The following NCL variants were observed in gnomAD, a reference collection of about 807,000 sequenced individuals.
NCL encodes the protein nucleolin multifunctional protein.
NCL carries 4 observed loss-of-function variants against 77.7 expected under a neutral mutation model. That is an observed-to-expected ratio of 0.05 (90% CI 0.03 to 0.12). The LOEUF (loss-of-function observed/expected upper bound fraction) is 0.12. Ranked by LOEUF, NCL falls within the 10% of genes least tolerant of loss-of-function variation. The pLI, the probability that NCL is intolerant of heterozygous loss-of-function variation, is 1.00. For missense variants in NCL, 763 were observed against 860.9 expected (o/e 0.89, Z 1.42); for synonymous variants, 344 against 297.8 (o/e 1.16, Z -1.60).
rs1469096012 is a variant in NCL, at chr2:231,454,978, T to G, written c.*213A>C. The G allele has an allele frequency of 1.9e-6, 1 of 537,704 alleles. No individual in the cohort carries two copies. Among genetic ancestry groups the G allele is most frequent in the East Asian group, 2.9e-5 (1 of 34,500 alleles). 33.3% of individuals were successfully genotyped at this position (537,704 alleles called of 1,614,324 possible). A position where few individuals can be genotyped will look rare whatever the true frequency, so the allele number is the denominator to read the frequency against. ...AAAACTTACAGATAAGGGTTAGCTC[T>G]ATCACTCAACTCTTTAAAAAGTTTA... On this transcript the variant is annotated 3_prime_UTR_variant, in exon 14 of 14. Transcript: ENST00000322723.
intron 10 of NCL, 105 bp downstream of exon 10, chr2:231,456,896 G>C: frequency 2.6e-6 from 4 of 1,555,454 alleles, no homozygotes; most frequent in Non-Finnish European, 3.5e-6. Flanking sequence ...CATTTACGTA[G>C]CTAAAATTAT....
At chr2:231,464,023 T>A (rs1316549564) in intron 1 of NCL, 2 of 920,772 alleles carry the variant, frequency 2.2e-6, no homozygotes, top group Non-Finnish European at 2.8e-6. Flanking sequence ...GCGTCAGGAG[T>A]CGAGTCCCAG....
chr2:231,460,760 CTCTTCT>C lies in NCL; in HGVS notation c.714_719del (p.Glu239_Glu240del), dbSNP rs748600031. The C allele has an allele frequency of 3.1e-6, 5 of 1,613,654 alleles. 1 individual carries two copies. Among genetic ancestry groups the C allele is most frequent in the African/African-American group, 2.7e-5 (2 of 74,894 alleles). On this transcript the variant is annotated inframe_deletion, in exon 4 of 14. Coordinates refer to ENST00000322723, the MANE Select transcript of NCL (RefSeq NM_005381.3). ...CGTCGTCATCCTCGTCCTCATCATC[CTCTTCT>C]TCATCTTCATCCTCAGCCACGTTCT...
chr2:231,461,323 A>C (rs1400169510), intron 3 of NCL, among the ~76,000 whole-genome samples: 1 of 152,106 alleles, frequency 6.6e-6, no homozygotes, highest in Non-Finnish European at 1.5e-5. Context: ...AAAATCCTAC[A>C]TTATAAAAAA....
At chr2:231,460,130 T>C (rs759061520) in intron 6 of NCL, 22 bp downstream of exon 6, 1 of 1,602,186 alleles carries the variant, frequency 6.2e-7, no homozygotes, top group East Asian at 2.2e-5. Context: ...CACGTGTATG[T>C]AACGTGCAGT....
At position 231,459,171 on chromosome 2, in the gene NCL, A is replaced by G. The variant is rs141832396; in HGVS notation, c.1041-46T>C. 8 of 1,499,668 alleles carry G rather than the reference A, an allele frequency of 5.3e-6. No homozygotes were observed. In the East Asian group the frequency reaches 1.2e-4, roughly 23 times the overall value. The allele number at this position is 1,499,668 out of a possible 1,614,324, so 92.9% of individuals were successfully genotyped here. ...CAAAATTACAACAGGTGAAAACACAAATCAAAATCCACAATATGTATTCTA... is the reference window on the plus strand; with the variant it reads ...CAAAATTACAACAGGTGAAAACACAGATCAAAATCCACAATATGTATTCTA... On this transcript the variant is annotated intron_variant, in intron 6 of 13. Transcript: ENST00000322723.
rs1222570841 is a variant in NCL, at chr2:231,454,855, A to AC, written c.*335_*336insG. On this transcript the variant is annotated 3_prime_UTR_variant, in exon 14 of 14. Transcript: ENST00000322723. ...TACAACCCCACGAACGCAAAAAAAA[A>AC]AAAAACAAAAACAAAACAAAAAAAA... The AC allele has an allele frequency of 3.7e-4, 71 of 194,346 alleles. No homozygotes were observed. The highest frequency in any genetic ancestry group is 1.1e-3 in the African/African-American group (45 of 42,854). 12.0% of individuals were successfully genotyped at this position (194,346 alleles called of 1,614,324 possible). A position where few individuals can be genotyped will look rare whatever the true frequency, so the allele number is the denominator to read the frequency against.
At chr2:231,455,695 C>G (rs560441285) in intron 12 of NCL, 71 bp from the exon 13 acceptor site, 1 of 1,505,916 alleles carries the variant, frequency 6.6e-7, no homozygotes, top group Non-Finnish European at 9.2e-7. Context: ...ACTGTACATG[C>G]TGGGGAGCCA....
Position 231,454,364 on chromosome 2 carries a change from T to TTCAAC in NCL, c.*822_*826dup, listed in dbSNP as rs2046861787. 6.6e-6 allele frequency: 1 copy of TTCAAC among 152,394 alleles called. No individual in the cohort carries two copies. The highest frequency in any genetic ancestry group is 1.5e-5 in the Non-Finnish European group (1 of 68,194). The allele number at this position is 152,394 out of a possible 1,614,324, so 9.4% of individuals were successfully genotyped here. On this transcript the variant is annotated 3_prime_UTR_variant, in exon 14 of 14. Transcript: ENST00000322723. ...TTTCACCATGTTGGCCAGGCTGGTC[T>TTCAAC]TCAACTCCTGACCTCAGTTGATCTG... is the stretch of plus-strand genomic sequence containing the variant.
chr2:231,457,660 T>C lies in NCL; in HGVS notation c.1430A>G (p.Lys477Arg), dbSNP rs1225598767. ...TTTCTTACCACTCCAAGTGCTATTC[T>C]TTCCACCTCTATAGTCTTGATTTTG... is the stretch of plus-strand genomic sequence containing the variant. ...KGQNQDYRGG[K>R]NSTWSGESKT... Residue 477 changes from lysine (K) to arginine (R), a missense_variant, in exon 9 of 14, where the codon AAG (lysine) becomes AGG (arginine). Lys to Arg is a conservative substitution (Grantham distance 26, BLOSUM62 2). This residue lies in a region of NCL where 173 missense variants were observed against 290.4 expected (regional missense o/e 0.60). Coordinates refer to ENST00000322723, the MANE Select transcript of NCL (RefSeq NM_005381.3). 6.2e-7 allele frequency: 1 copy of C among 1,602,192 alleles called. No individual in the cohort carries two copies. Among genetic ancestry groups the C allele is most frequent in the African/African-American group, 1.3e-5 (1 of 74,538 alleles).
At position 231,456,689 on chromosome 2, in the gene NCL, C is replaced by G; in HGVS notation, c.1647G>C (p.Glu549Asp). The G allele has an allele frequency of 6.2e-7, 1 of 1,614,098 alleles. No individual in the cohort carries two copies. Among genetic ancestry groups the G allele is most frequent in the Non-Finnish European group, 8.5e-7 (1 of 1,180,024 alleles). ...ALNSCNKREI[E>D]GRAIRLELQG... ...GCAACTCCAGCCTGATTGCTCTGCC[C>G]TCAATTTCCCTTTTATTACAGGAAT... is the stretch of plus-strand genomic sequence containing the variant. The change falls in exon 11 of 14, where the codon GAG becomes GAC. Residue 549 changes from glutamate (E) to aspartate (D), a missense_variant. This residue lies in a region of NCL where 173 missense variants were observed against 290.4 expected (regional missense o/e 0.60). Transcript: ENST00000322723.
intron 2 of NCL, 115 bp downstream of exon 2, chr2:231,463,082 CACT>C (rs1304667875): frequency 2.7e-6 from 2 of 733,748 alleles, no homozygotes; most frequent in East Asian, 2.5e-5. Context: ...AACACTCAAC[CACT>C]ACAATAAGAC....
intron 6 of NCL, among the ~76,000 whole-genome samples, chr2:231,459,432 A>G (rs976833844): frequency 1.5e-4 from 23 of 152,284 alleles, no homozygotes; most frequent in Middle Eastern, 3.4e-3. Context: ...CTGTCTGGAT[A>G]AAAGTATTCA....
intron 2 of NCL, 71 bp from the exon 3 acceptor site, chr2:231,462,088 A>G: frequency 6.4e-7 from 1 of 1,569,598 alleles, no homozygotes; most frequent in South Asian, 1.1e-5. Flanking sequence ...GGTCCCAATG[A>G]GATGTTAGAC....
Position 231,457,705 on chromosome 2 carries a change from T to C in NCL, c.1385A>G (p.Tyr462Cys), listed in dbSNP as rs1325868920. 7.4e-6 allele frequency: 12 copies of C among 1,612,916 alleles called. No homozygotes were observed. Among genetic ancestry groups the C allele is most frequent in the South Asian group, 5.5e-5 (5 of 90,970 alleles). ...ATTTTGACCTTTCTCTCCAGTATAG[T>C]ACAGGGAAATAGATCGCCCATCGAT... ...TEIDGRSISL[Y>C]YTGEKGQNQD... The change falls in exon 9 of 14, where the codon TAC becomes TGC. Residue 462 changes from tyrosine (Y) to cysteine (C), a missense_variant. Tyr to Cys is a radical substitution (Grantham distance 194). This residue lies in a region of NCL where 590 missense variants were observed against 570.5 expected (regional missense o/e 1.03). Coordinates refer to ENST00000322723, the MANE Select transcript of NCL (RefSeq NM_005381.3).
At chr2:231,460,632 A>C in intron 4 of NCL, 37 bp downstream of exon 4, 4 of 1,614,112 alleles carry the variant, frequency 2.5e-6, no homozygotes, top group Non-Finnish European at 3.4e-6. Context: ...TCCTTTAAAC[A>C]TAACTCATGT....
chr2:231,458,492 A>T, intron 7 of NCL, 103 bp from the exon 8 acceptor site: 1 of 1,382,888 alleles, frequency 7.2e-7, no homozygotes, highest in Non-Finnish European at 9.8e-7. Flanking sequence ...TTCAACAAAT[A>T]ATTTGAGATC....
intron 9 of NCL, chr2:231,457,335 C>T: frequency 6.3e-6 from 5 of 794,412 alleles, no homozygotes; most frequent in Non-Finnish European, 1.1e-5. Context: ...AGGCTGATGA[C>T]TGGTCTGTTT....
rs755209913 is a variant in NCL at position 231,455,559 on chromosome 2, C to G, written c.1898G>C (p.Gly633Ala). 3.7e-6 allele frequency: 6 copies of G among 1,614,086 alleles called. No individual in the cohort carries two copies. The African/African-American group carries it at 8.0e-5, about 22-fold the overall frequency. Reference sequence around the variant, plus strand: ...GGTAACTTTATTTCCATCAATTTCACCGTCTTCCATGGCCTCCTTGGCAGC... The same window carrying G: ...GGTAACTTTATTTCCATCAATTTCAGCGTCTTCCATGGCCTCCTTGGCAGC... The part of the protein sequence containing the change: ...AKAAKEAMED[G>A]EIDGNKVTLD... The change falls in exon 13 of 14, where the codon GGT becomes GCT. Residue 633 changes from glycine to alanine, a missense_variant. Physicochemically the swap from Gly to Ala is moderately conservative, Grantham distance 60 (BLOSUM62 0). Coordinates refer to ENST00000322723, the MANE Select transcript of NCL (RefSeq NM_005381.3).
Sources: gnomAD v4.1 joint callset for allele counts (sites outside exome capture counted in the v4.1 genomes callset) on GRCh38, gnomAD v4.1.1 for gene constraint, gnomAD v4.1.1 regional missense constraint, MANE v1.5 for transcripts, NCBI Gene and HGNC (gene_info 2026-07-23, HGNC 2026-07-21) for gene names.